Variants in CTTNBP2 observed in about 807,000 individuals in gnomAD.
CTTNBP2 encodes the protein cortactin-binding protein 2.
CTTNBP2 carries 108 observed loss-of-function variants against 156.9 expected under a neutral mutation model. The ratio of observed to expected loss-of-function variants is 0.69; its 90% CI spans 0.59 to 0.81. The LOEUF (loss-of-function observed/expected upper bound fraction) is 0.81. Among genes scored for constraint, CTTNBP2 ranks in the 30% least tolerant of loss-of-function variants. The pLI, the probability that CTTNBP2 is intolerant of heterozygous loss-of-function variation, is 0.00. For missense variants in CTTNBP2, 1,924 were observed against 2,035.4 expected (o/e 0.95, Z 1.05); for synonymous variants, 767 against 751.8 (o/e 1.02, Z -0.33).
intron 22 of CTTNBP2, among the ~76,000 whole-genome samples, chr7:117,716,751 C>A (rs1794401940): frequency 6.6e-6 from 1 of 152,108 alleles, no homozygotes; most frequent in African/African-American, 2.4e-5. Flanking sequence ...GTATTAGAGC[C>A]CCCAGCCGTG....
At chr7:117,722,097 A>G (rs1584893114) in intron 19 of CTTNBP2, among the ~76,000 whole-genome samples, 1 of 152,214 alleles carries the variant, frequency 6.6e-6, no homozygotes, top group Admixed American at 6.5e-5. Context: ...AGTGGCTTCT[A>G]CTAATTACTA....
intron 2 of CTTNBP2, among the ~76,000 whole-genome samples, chr7:117,842,439 G>A (rs998574030): frequency 2.6e-5 from 4 of 151,968 alleles, no homozygotes; most frequent in African/African-American, 7.3e-5. Flanking sequence ...CTGACCTCAG[G>A]TGATCTGCCC....
chr7:117,773,694 CACACACACACACA>C lies in CTTNBP2; in HGVS notation c.2778+3804_2778+3816del, dbSNP rs1562992432. 2.3e-3 allele frequency among the ~76,000 whole-genome samples: 320 copies of C among 141,888 alleles called. 6 individuals carry two copies. Among genetic ancestry groups the C allele is most frequent in the African/African-American group, 8.2e-3 (294 of 35,826 alleles). The allele number at this position is 141,888 out of a possible 152,430, so 93.1% of individuals were successfully genotyped here. A position where few individuals can be genotyped will look rare whatever the true frequency, so the allele number is the denominator to read the frequency against. ...ACACACACACACACACACACACACA[CACACACACACACA>C]CCCCAAAAAACAAAAAGCAGAAAAA... is the stretch of plus-strand genomic sequence containing the variant. On this transcript the variant is annotated intron_variant, in intron 8 of 22. Transcript: ENST00000160373.
chr7:117,733,439 C>G (rs534679329), intron 16 of CTTNBP2, among the ~76,000 whole-genome samples: 1 of 152,126 alleles, frequency 6.6e-6, no homozygotes. Context: ...TAGTGCCAAT[C>G]CTACATAATA....
At chr7:117,799,204 T>A (rs994750763) in intron 3 of CTTNBP2, among the ~76,000 whole-genome samples, 2 of 151,620 alleles carry the variant, frequency 1.3e-5, no homozygotes, top group Non-Finnish European at 2.9e-5. Flanking sequence ...AAAACAAAAA[T>A]TTTTTTTAAT....
intron 11 of CTTNBP2, among the ~76,000 whole-genome samples, chr7:117,756,978 T>G (rs909226798): frequency 6.6e-6 from 1 of 152,208 alleles, no homozygotes; most frequent in African/African-American, 2.4e-5. Flanking sequence ...CTTGATGTTT[T>G]ACAGTTCATA....
In CTTNBP2 at chr7:117,801,673, A is replaced by G. The variant is rs147694958; in HGVS notation, c.415-8892T>C. Among the ~76,000 whole-genome samples the G allele has an allele frequency of 4.9e-3, 752 of 152,296 alleles. 7 individuals are homozygous for G. The highest frequency in any genetic ancestry group is 0.017 in the African/African-American group (703 of 41,574). On this transcript the variant is annotated intron_variant, in intron 3 of 22. Coordinates refer to ENST00000160373, the MANE Select transcript of CTTNBP2 (RefSeq NM_033427.3). ...ATATACATCAAAATATTTAGGAGTA[A>G]AAAACCATATGTCTTTAATTTATTT... is the stretch of plus-strand genomic sequence containing the variant.
rs201841319 is a variant in CTTNBP2, at chr7:117,791,602, G to A, written c.1594C>T (p.His532Tyr). Reference sequence around the variant, plus strand: ...CCTCTGTCAACTCGTGCTACACCATGAGTCTTTAAACTGGTCCGACCAACT... The same window carrying A: ...CCTCTGTCAACTCGTGCTACACCATAAGTCTTTAAACTGGTCCGACCAACT... ...PPVGRTSLKT[H>Y]GVARVDRGNP... is the part of the protein sequence containing the mutation. Residue 532 changes from histidine to tyrosine, a missense_variant, in exon 4 of 23, where the codon CAT (histidine) becomes TAT (tyrosine). His to Tyr is a moderately conservative substitution (Grantham distance 83). Transcript: ENST00000160373. 2.5e-6 allele frequency: 4 copies of A among 1,614,188 alleles called. No homozygotes were observed. The highest frequency in any genetic ancestry group is 3.4e-6 in the Non-Finnish European group (4 of 1,180,024).
At chr7:117,868,154 T>G (rs1434395598) in intron 1 of CTTNBP2, among the ~76,000 whole-genome samples, 1 of 152,216 alleles carries the variant, frequency 6.6e-6, no homozygotes, top group Admixed American at 6.5e-5. Context: ...CAGCCCGACA[T>G]GGGACATGGA....
chr7:117,743,391 T>C (rs1796122304), intron 14 of CTTNBP2, among the ~76,000 whole-genome samples: 1 of 152,154 alleles, frequency 6.6e-6, no homozygotes. Flanking sequence ...CCAGTAGTGA[T>C]TAAGGTCAGG....
chr7:117,807,985 A>G (rs1157092566), intron 3 of CTTNBP2, among the ~76,000 whole-genome samples: 1 of 152,244 alleles, frequency 6.6e-6, no homozygotes, highest in East Asian at 1.9e-4. Flanking sequence ...TGTCTGAGGC[A>G]TCTATTGCCA....
chr7:117,799,591 A>T (rs1438466962), intron 3 of CTTNBP2, among the ~76,000 whole-genome samples: 1 of 152,102 alleles, frequency 6.6e-6, no homozygotes, highest in Non-Finnish European at 1.5e-5. Flanking sequence ...AGAAAAAGAC[A>T]ATAAAGTCTA....
chr7:117,849,314 T>A (rs1244961967), intron 2 of CTTNBP2, among the ~76,000 whole-genome samples: 2 of 152,212 alleles, frequency 1.3e-5, no homozygotes. Context: ...CCAGAGGACT[T>A]GTGGAAACAC....
intron 2 of CTTNBP2, among the ~76,000 whole-genome samples, chr7:117,813,268 G>A (rs1253987987): frequency 2.6e-5 from 4 of 152,170 alleles, no homozygotes; most frequent in Admixed American, 2.6e-4. Context: ...GGCCATAAAT[G>A]TAGGACAAAC....
chr7:117,730,364 T>C (rs1165234298), intron 16 of CTTNBP2, among the ~76,000 whole-genome samples: 1 of 152,230 alleles, frequency 6.6e-6, no homozygotes, highest in Non-Finnish European at 1.5e-5. Context: ...CTTACCTGTT[T>C]CTTTCACAGC....
At chr7:117,742,654 A>T (rs902066656) in intron 14 of CTTNBP2, among the ~76,000 whole-genome samples, 6 of 152,186 alleles carry the variant, frequency 3.9e-5, no homozygotes, top group Non-Finnish European at 1.5e-5. Flanking sequence ...AATGGATTTT[A>T]AAAAGCAGAT....
At chr7:117,746,310 T>C (rs1317967813) in intron 12 of CTTNBP2, among the ~76,000 whole-genome samples, 1 of 152,186 alleles carries the variant, frequency 6.6e-6, no homozygotes, top group East Asian at 1.9e-4. Context: ...GCTGATACTT[T>C]ATAAAAAAAC....
rs1053491045 is a variant in CTTNBP2 at position 117,716,132 on chromosome 7, CAT to C, written c.4746+1884_4746+1885del. On this transcript the variant is annotated intron_variant, in intron 22 of 22. Transcript: ENST00000160373. ...ATCAAATTGCACATTTAAACAATAA[CAT>C]AGTTTTTTTTTCTTTGTATAAGAGC... is the stretch of plus-strand genomic sequence containing the variant. 9.2e-5 allele frequency among the ~76,000 whole-genome samples: 14 copies of C among 151,720 alleles called. No individual in the cohort carries two copies. In the East Asian group the frequency reaches 1.4e-3, roughly 15 times the overall value.
intron 1 of CTTNBP2, chr7:117,871,842 CTT>C: frequency 6.1e-6 from 2 of 328,666 alleles, no homozygotes; most frequent in African/African-American, 1.2e-4. Context: ...CGTCCTTCCC[CTT>C]CACACACACA....
Sources: gnomAD v4.1 joint callset for allele counts (sites outside exome capture counted in the v4.1 genomes callset) on GRCh38, gnomAD v4.1.1 for gene constraint, MANE v1.5 for transcripts, NCBI Gene and HGNC (gene_info 2026-07-23, HGNC 2026-07-21) for gene names.